The following PTPRD variants were observed in gnomAD, a reference collection of about 807,000 sequenced individuals.
PTPRD encodes the protein receptor-type tyrosine-protein phosphatase delta.
PTPRD carries 34 observed loss-of-function variants against 214.5 expected under a neutral mutation model. The observed-to-expected ratio is 0.16, with a 90% CI of 0.12 to 0.21. The LOEUF (loss-of-function observed/expected upper bound fraction) is 0.21, where lower values mean the gene tolerates loss of function less well. Among genes scored for constraint, PTPRD ranks in the 10% least tolerant of loss-of-function variants. The pLI is 1.00. For missense variants in PTPRD, 2,545 were observed against 2,398.7 expected, an observed-to-expected ratio of 1.06 and a Z score of -1.27; for synonymous variants, 1,128 against 845.7, an observed-to-expected ratio of 1.33 and a Z score of -5.79.
intron 2 of PTPRD, among the ~76,000 whole-genome samples, chr9:10,399,478 T>C (rs897864966): frequency 8.5e-5 from 13 of 152,110 alleles, no homozygotes; most frequent in African/African-American, 2.9e-4. Context: ...GTTCCTAAAA[T>C]GTGTTCAGGC....
chr9:9,398,242 T>C (rs1488711532), intron 8 of PTPRD, among the ~76,000 whole-genome samples: 5 of 152,032 alleles, frequency 3.3e-5, no homozygotes, highest in East Asian at 1.9e-4. Flanking sequence ...TCTTGACACC[T>C]AGAGAAGAAA....
intron 12 of PTPRD, chr9:8,701,036 C>T (rs2098069431): frequency 1.3e-5 from 2 of 152,110 alleles, no homozygotes; most frequent in African/African-American, 2.4e-5. Context: ...TGATGCGTGC[C>T]TGTAATCCCA....
intron 3 of PTPRD, among the ~76,000 whole-genome samples, chr9:10,329,092 A>T (rs964973991): frequency 1.3e-5 from 2 of 151,778 alleles, no homozygotes; most frequent in Admixed American, 1.3e-4. Context: ...ATTGGAAATT[A>T]TAGTTGTTTT....
chr9:8,559,101 C>T (rs139718458), intron 14 of PTPRD, among the ~76,000 whole-genome samples: 3 of 152,146 alleles, frequency 2.0e-5, no homozygotes, highest in East Asian at 3.9e-4. Context: ...ACTGAGATGA[C>T]ATAATATTTT....
Position 8,586,472 on chromosome 9 carries a change from C to T in PTPRD, c.352+46845G>A, listed in dbSNP as rs2093666580. ...AATCTTTCATTGTTCTTTGTGTTGT[C>T]CTTATTTCATCCACTTCTGCTAGGC... On this transcript the variant is annotated intron_variant, in intron 14 of 45. Coordinates refer to ENST00000381196, the MANE Select transcript of PTPRD (RefSeq NM_002839.4). Among the ~76,000 whole-genome samples, 4 of 152,204 alleles carry T rather than the reference C, an allele frequency of 2.6e-5. No homozygotes were observed. In the South Asian group the frequency reaches 8.3e-4, roughly 32 times the overall value.
chr9:9,145,372 C>T (rs13301757), intron 10 of PTPRD, among the ~76,000 whole-genome samples: 59 of 152,002 alleles, frequency 3.9e-4, no homozygotes, highest in Admixed American at 9.8e-4. Flanking sequence ...TAATTATTCT[C>T]CTTAGGGGAA....
At position 8,484,299 on chromosome 9, in the gene PTPRD, T is replaced by C. The variant is rs2135783799; in HGVS notation, c.3233A>G (p.Glu1078Gly). The stretch of plus-strand genomic sequence containing the variant: ...TGTCAGCACAAATGAATATGATTTC[T>C]CAGGCTTCAGGTTGACAATTAACTT... ...TQKLIVNLKP[E>G]KSYSFVLTNR... The change falls in exon 30 of 46, where the codon GAG (glutamate) becomes GGG (glycine). Residue 1078 changes from glutamate to glycine, a missense_variant. By Grantham distance (98) the Glu-to-Gly change is moderately conservative. Coordinates refer to ENST00000381196, the MANE Select transcript of PTPRD (RefSeq NM_002839.4). 6.2e-7 allele frequency: 1 copy of C among 1,614,112 alleles called. No homozygotes were observed. Among genetic ancestry groups the C allele is most frequent in the Non-Finnish European group, 8.5e-7 (1 of 1,180,014 alleles).
At chr9:9,386,016 A>G (rs2063760096) in intron 9 of PTPRD, among the ~76,000 whole-genome samples, 1 of 152,090 alleles carries the variant, frequency 6.6e-6, no homozygotes, top group Non-Finnish European at 1.5e-5. Context: ...GAAGCCCAGT[A>G]TGGCCTGCAT....
chr9:9,956,015 C>T (rs2093901529), intron 4 of PTPRD, among the ~76,000 whole-genome samples: 1 of 152,042 alleles, frequency 6.6e-6, no homozygotes, highest in African/African-American at 2.4e-5. Context: ...AGGCAGGCCA[C>T]ATTTATTTGC....
intron 3 of PTPRD, among the ~76,000 whole-genome samples, chr9:10,189,603 A>C (rs2099353565): frequency 6.6e-6 from 1 of 152,196 alleles, no homozygotes; most frequent in Non-Finnish European, 1.5e-5. Flanking sequence ...CATGTTTTGC[A>C]ATGTTCCACA....
intron 5 of PTPRD, among the ~76,000 whole-genome samples, chr9:9,816,927 T>G (rs1297826475): frequency 1.3e-5 from 2 of 152,094 alleles, no homozygotes; most frequent in African/African-American, 4.8e-5. Context: ...AAGTTTGTTT[T>G]TTCTTAGTGG....
chr9:9,947,541 AAT>A (rs1422295989), intron 4 of PTPRD, among the ~76,000 whole-genome samples: 9 of 25,674 alleles, frequency 3.5e-4, no homozygotes, highest in South Asian at 9.8e-4. Flanking sequence ...TTTTATATAT[AAT>A]ATATATATTA....
At chr9:9,589,271 G>C (rs1385577799) in intron 7 of PTPRD, among the ~76,000 whole-genome samples, 1 of 151,464 alleles carries the variant, frequency 6.6e-6, no homozygotes, top group Non-Finnish European at 1.5e-5. Context: ...ATCCTCTTAA[G>C]GATTTTATAC....
chr9:9,457,656 A>T (rs1009890349), intron 8 of PTPRD, among the ~76,000 whole-genome samples: 2 of 152,040 alleles, frequency 1.3e-5, no homozygotes, highest in Non-Finnish European at 2.9e-5. Context: ...TCCAATATAC[A>T]GTTTCTTTTG....
intron 11 of PTPRD, among the ~76,000 whole-genome samples, chr9:8,910,631 T>G (rs1363745052): frequency 6.6e-6 from 1 of 152,080 alleles, no homozygotes; most frequent in Non-Finnish European, 1.5e-5. Context: ...AACCTTGAAC[T>G]TCCCAGCCTC....
chr9:10,126,514 A>G (rs774631913), intron 3 of PTPRD, among the ~76,000 whole-genome samples: 6 of 151,810 alleles, frequency 4.0e-5, no homozygotes, highest in Non-Finnish European at 8.8e-5. Flanking sequence ...CTTTAGAATC[A>G]ATTCGTTACG....
At chr9:10,224,634 T>C (rs2099582780) in intron 3 of PTPRD, among the ~76,000 whole-genome samples, 1 of 152,062 alleles carries the variant, frequency 6.6e-6, no homozygotes, top group East Asian at 1.9e-4. Flanking sequence ...GATAGTTTCT[T>C]GTTAGAAAAA....
intron 11 of PTPRD, among the ~76,000 whole-genome samples, chr9:9,016,143 C>G (rs2099534143): frequency 6.6e-6 from 1 of 152,148 alleles, no homozygotes; most frequent in African/African-American, 2.4e-5. Flanking sequence ...CAGCCCCTTT[C>G]AGCAGGTGTC....
chr9:9,165,051 C>CAAAAAA (rs35703586), intron 10 of PTPRD, among the ~76,000 whole-genome samples: 1 of 117,450 alleles, frequency 8.5e-6, no homozygotes, highest in African/African-American at 3.1e-5. Context: ...GACTCCATCT[C>CAAAAAA]AAAAAAAAAA....
Sources: allele counts gnomAD v4.1 joint callset (sites outside exome capture counted in the v4.1 genomes callset), GRCh38; gene constraint gnomAD v4.1.1; transcripts MANE v1.5; gene names NCBI Gene and HGNC (gene_info 2026-07-23, HGNC 2026-07-21).